The following CACNA1H variants were observed in gnomAD, a reference collection of about 807,000 sequenced individuals.
The protein encoded by CACNA1H is calcium voltage-gated channel subunit alpha1 H, also known as voltage-dependent T-type calcium channel subunit alpha-1H.
Under a neutral mutation model 192.5 loss-of-function variants are expected in CACNA1H, and 149 were observed. The ratio of observed to expected loss-of-function variants is 0.77; its 90% CI spans 0.68 to 0.89. CACNA1H has a LOEUF of 0.89. Among genes scored for constraint, CACNA1H ranks in the 40% least tolerant of loss-of-function variants. CACNA1H has a pLI of 0.00. For missense variants in CACNA1H, 4,257 were observed against 3,423.5 expected (o/e 1.24, Z -6.08); for synonymous variants, 2,202 against 1,475.2 (o/e 1.49, Z -11.29).
At chr16:1,183,148 GGCATGGAGC>G (rs963581748) in intron 2 of CACNA1H, among the ~76,000 whole-genome samples, 4 of 151,608 alleles carry the variant, frequency 2.6e-5, no homozygotes, top group Non-Finnish European at 5.9e-5. Context: ...TTCTGTGTCA[GGCATGGAGC>G]CCTGGAACCC....
intron 27 of CACNA1H, among the ~76,000 whole-genome samples, chr16:1,214,458 C>T (rs1249815302): frequency 1.3e-5 from 2 of 152,104 alleles, no homozygotes; most frequent in East Asian, 3.9e-4. Context: ...CTGGGAGGGG[C>T]AGGATCTTCC....
rs748867788 is a variant in CACNA1H, at chr16:1,195,575, G to A, written c.545+10G>A. On this transcript the variant is annotated intron_variant, in intron 4 of 34. Transcript: ENST00000348261. ...TCATCGTCGTGGCGGGGTAGGCCCCGCCTGGGAGAGGCCACAGCGCTGGCG... is the reference window on the plus strand; with the variant it reads ...TCATCGTCGTGGCGGGGTAGGCCCCACCTGGGAGAGGCCACAGCGCTGGCG... The A allele has an allele frequency of 1.3e-5, 20 of 1,483,374 alleles. No individual in the cohort carries two copies. Among genetic ancestry groups the A allele is most frequent in the Non-Finnish European group, 1.6e-5 (18 of 1,103,546 alleles). The allele number at this position is 1,483,374 out of a possible 1,614,324, so 91.9% of individuals were successfully genotyped here.
intron 2 of CACNA1H, among the ~76,000 whole-genome samples, chr16:1,178,182 T>C: frequency 3.5e-5 from 2 of 57,154 alleles, no homozygotes; most frequent in Non-Finnish European, 6.6e-5. Context: ...TCCCGCCCCC[T>C]CTCCATGGGG....
chr16:1,202,765 C>T (rs968409609), intron 9 of CACNA1H, among the ~76,000 whole-genome samples: 1 of 152,110 alleles, frequency 6.6e-6, no homozygotes, highest in Non-Finnish European at 1.5e-5. Context: ...TGCCTGGCCC[C>T]GAGAGGGACC....
rs376008324 is a variant in CACNA1H, at chr16:1,208,006, C to T, written c.3155-7C>T. ...TCTAGGGGCCCATTCCTCCCTCTGT[C>T]CCGCAGAGCTGAAGATGTGTTCCCT... On this transcript the variant is annotated splice_region_variant and splice_polypyrimidine_tract_variant and intron_variant, in intron 15 of 34. Transcript: ENST00000348261. 6 of 1,597,972 alleles carry T rather than the reference C, an allele frequency of 3.8e-6. No homozygotes were observed. The highest frequency in any genetic ancestry group is 5.1e-6 in the Non-Finnish European group (6 of 1,173,086).
At position 1,211,181 on chromosome 16, in the gene CACNA1H, G is replaced by A; in HGVS notation, c.4237G>A (p.Ala1413Thr). 1 of 1,612,802 alleles carries A rather than the reference G, an allele frequency of 6.2e-7. No homozygotes were observed. The highest frequency in any genetic ancestry group is 8.5e-7 in the Non-Finnish European group (1 of 1,179,710). The change falls in exon 22 of 35, where the codon GCC (alanine) becomes ACC (threonine). Residue 1413 changes from alanine to threonine, a missense_variant. Transcript: ENST00000348261. ...ACTCCCCTCCAGGGTCATCAGCCGG[G>A]CCCCGGGCCTCAAGCTGGTGGTGGA... ...TLRPLRVISR[A>T]PGLKLVVETL...
At chr16:1,192,655 G>A (rs985416672) in intron 2 of CACNA1H, among the ~76,000 whole-genome samples, 13 of 152,222 alleles carry the variant, frequency 8.5e-5, no homozygotes, top group Admixed American at 2.0e-4. Flanking sequence ...CAGGGAGGGT[G>A]TGAAAGGCCT....
intron 33 of CACNA1H, 127 bp downstream of exon 33, chr16:1,218,778 A>G: frequency 1.7e-6 from 2 of 1,159,700 alleles, no homozygotes; most frequent in Non-Finnish European, 2.4e-6. Flanking sequence ...GGGAAGGAGG[A>G]TGGGGGCAGG....
chr16:1,207,737 C>A, intron 14 of CACNA1H, 33 bp from the exon 15 acceptor site: 1 of 1,557,518 alleles, frequency 6.4e-7, no homozygotes, highest in Non-Finnish European at 8.7e-7. Context: ...TCACGGGGCC[C>A]CTCATGCCTG....
At chr16:1,185,110 A>AT (rs1491297194) in intron 2 of CACNA1H, among the ~76,000 whole-genome samples, 2 of 152,160 alleles carry the variant, frequency 1.3e-5, no homozygotes, top group African/African-American at 4.8e-5. Context: ...TCCGTGTGAC[A>AT]TGTGGTCCTT....
intron 32 of CACNA1H, 50 bp downstream of exon 32, chr16:1,218,090 C>T (rs1468662687): frequency 2.5e-6 from 4 of 1,569,796 alleles, no homozygotes; most frequent in Non-Finnish European, 3.5e-6. Flanking sequence ...AGCGGTTTTT[C>T]AGGCTCTCCC....
At position 1,201,784 on chromosome 16, in the gene CACNA1H, G is replaced by A; in HGVS notation, c.1334G>A (p.Ser445Asn). 6.2e-7 allele frequency: 1 copy of A among 1,601,034 alleles called. No individual in the cohort carries two copies. Among genetic ancestry groups the A allele is most frequent in the Non-Finnish European group, 8.5e-7 (1 of 1,174,910 alleles). The part of the protein sequence containing the change: ...EQRARHLSND[S>N]TLASFSEPGS... ...CGGGCACGCCACCTGTCCAACGACA[G>A]CACGCTGGCCAGCTTCTCCGAGCCT... Residue 445 changes from serine to asparagine, a missense_variant, in exon 9 of 35, where the codon AGC (serine) becomes AAC (asparagine). Physicochemically the swap from Ser to Asn is conservative, Grantham distance 46 (BLOSUM62 1). Transcript: ENST00000348261.
chr16:1,156,814 C>T (rs951833146), intron 2 of CACNA1H, among the ~76,000 whole-genome samples: 1 of 152,142 alleles, frequency 6.6e-6, no homozygotes, highest in Non-Finnish European at 1.5e-5. Context: ...CCGCGTTTAT[C>T]CCTGAACCTC....
chr16:1,208,705 G>A (rs1008780898), intron 16 of CACNA1H, among the ~76,000 whole-genome samples: 3 of 152,282 alleles, frequency 2.0e-5, no homozygotes, highest in African/African-American at 2.4e-5. Flanking sequence ...GGGAGGAAGC[G>A]GGGCAGCTGT....
chr16:1,177,272 A>G (rs77971956), intron 2 of CACNA1H, among the ~76,000 whole-genome samples: 8,267 of 152,210 alleles, frequency 0.054, 550 homozygotes, highest in African/African-American at 0.16. Flanking sequence ...GATCCCCTCC[A>G]GGGCCGGGTC....
intron 2 of CACNA1H, among the ~76,000 whole-genome samples, chr16:1,165,781 G>A (rs1048347731): frequency 2.6e-5 from 4 of 152,160 alleles, no homozygotes; most frequent in African/African-American, 7.2e-5. Context: ...GCCACCTCAC[G>A]TTCCCCACCA....
chr16:1,207,845 G>T lies in CACNA1H; in HGVS notation c.3139G>T (p.Glu1047Ter), dbSNP rs1555514736. Reference protein sequence around the residue: ...HFEEDFHKLRELQTTELKMCS... With the variant: ...HFEEDFHKLR Reference sequence around the variant, plus strand: ...CGAGGAGGACTTCCACAAGCTCAGAGAACTCCAGACCACAGGTGCGTGTGG... The same window carrying T: ...CGAGGAGGACTTCCACAAGCTCAGATAACTCCAGACCACAGGTGCGTGTGG... Residue 1047 changes from glutamate (E) to a stop codon, truncating the protein, a stop_gained, in exon 15 of 35, where the codon GAA becomes TAA. Coordinates refer to ENST00000348261, the MANE Select transcript of CACNA1H (RefSeq NM_021098.3). LOFTEE classifies it high-confidence loss of function. 6.3e-7 allele frequency: 1 copy of T among 1,596,392 alleles called. No individual in the cohort carries two copies. Among genetic ancestry groups the T allele is most frequent in the Non-Finnish European group, 8.5e-7 (1 of 1,171,900 alleles).
chr16:1,189,590 T>C (rs920744823), intron 2 of CACNA1H, among the ~76,000 whole-genome samples: 4 of 151,762 alleles, frequency 2.6e-5, no homozygotes, highest in African/African-American at 9.7e-5. Flanking sequence ...GTTAAATATT[T>C]GTTAAATATT....
At chr16:1,177,421 C>G (rs1284200849) in intron 2 of CACNA1H, among the ~76,000 whole-genome samples, 1 of 152,252 alleles carries the variant, frequency 6.6e-6, no homozygotes, top group Non-Finnish European at 1.5e-5. Context: ...GAGGCCCACC[C>G]TGCCGTCGCC....
Sources: allele counts gnomAD v4.1 joint callset (sites outside exome capture counted in the v4.1 genomes callset), GRCh38; gene constraint gnomAD v4.1.1; transcripts MANE v1.5; gene names NCBI Gene and HGNC (gene_info 2026-07-23, HGNC 2026-07-21).